SLC13A4: variants seen among roughly 807,000 people sequenced by gnomAD.
SLC13A4 encodes Na(+)/sulfate cotransporter SUT-1.
SLC13A4 carries 28 observed loss-of-function variants against 72.7 expected under a neutral mutation model. That is an observed-to-expected ratio of 0.39 (90% CI 0.29 to 0.53). SLC13A4 has a LOEUF of 0.53. Among genes scored for constraint, SLC13A4 ranks in the 20% least tolerant of loss-of-function variants. The probability of loss-of-function intolerance (pLI) is 0.78; values close to 1 mark genes in which losing one functional copy is unlikely to be tolerated. For synonymous variants in SLC13A4, 312 were observed against 325.5 expected (o/e 0.96, Z 0.45); for missense variants, 653 against 788.0 (o/e 0.83, Z 2.05).
rs1467447916 is a variant in SLC13A4 at position 135,702,899 on chromosome 7, A to T, written c.594-15T>A. 8 of 1,609,752 alleles carry T rather than the reference A, an allele frequency of 5.0e-6. No homozygotes were observed. Among genetic ancestry groups the T allele is most frequent in the Non-Finnish European group, 6.8e-6 (8 of 1,176,048 alleles). The stretch of plus-strand genomic sequence containing the variant: ...CGTTGGACCTGCTGGAACCAAGCAG[A>T]GGACACAGGAGCCACGTCAGTGAGG... On this transcript the variant is annotated splice_polypyrimidine_tract_variant and intron_variant, in intron 5 of 15. Transcript: ENST00000682651.
At chr7:135,726,109 T>C (rs1796651953) in intron 1 of SLC13A4, among the ~76,000 whole-genome samples, 1 of 152,006 alleles carries the variant, frequency 6.6e-6, no homozygotes. Context: ...AGGTTCCTGA[T>C]ACTGCTTGGG....
In SLC13A4 at chr7:135,727,790, A is replaced by G. The variant is rs1217139768; in HGVS notation, c.-294T>C. On this transcript the variant is annotated 5_prime_UTR_variant, in exon 1 of 16. Coordinates refer to ENST00000682651, the MANE Select transcript of SLC13A4 (RefSeq NM_001318192.2). Reference sequence around the variant, plus strand: ...GCATAGTGGGCCTCCTCTCGGCTTGATTAGTAATAGAGTAACTTCATTCTA... The same window carrying G: ...GCATAGTGGGCCTCCTCTCGGCTTGGTTAGTAATAGAGTAACTTCATTCTA... 7.8e-6 allele frequency: 3 copies of G among 383,238 alleles called. No homozygotes were observed. Among genetic ancestry groups the G allele is most frequent in the African/African-American group, 6.1e-5 (3 of 49,174 alleles). 23.7% of individuals were successfully genotyped at this position (383,238 alleles called of 1,614,324 possible).
At chr7:135,705,928 CAG>C in intron 4 of SLC13A4, 198 bp downstream of exon 4, 3 of 561,918 alleles carry the variant, frequency 5.3e-6, no homozygotes, top group Non-Finnish European at 9.3e-6. Context: ...AGAGCCAGAA[CAG>C]GGAGTTCAGG....
At position 135,719,131 on chromosome 7, in the gene SLC13A4, C is replaced by A. The variant is rs188126805; in HGVS notation, c.228+2264G>T. On this transcript the variant is annotated intron_variant, in intron 2 of 15. Transcript: ENST00000682651. ...CCCCTAGCAATAGTGACACACAGTC[C>A]CTCCCTGGACAGTCTTCCTTTATTT... is the stretch of plus-strand genomic sequence containing the variant. Among the ~76,000 whole-genome samples, 280 of 152,256 alleles carry A rather than the reference C, an allele frequency of 1.8e-3. 4 individuals carry two copies. Among genetic ancestry groups the A allele is most frequent in the Non-Finnish European group, 1.9e-3 (128 of 68,028 alleles).
Position 135,705,875 on chromosome 7 carries a change from T to A in SLC13A4, c.539-225A>T, listed in dbSNP as rs1796148307. ...GGGGGCAAAGAGCAGTGTGTACCCT[T>A]GAGCATTTGGGGGAAAAGAGCCCAG... On this transcript the variant is annotated intron_variant, in intron 4 of 15. Transcript: ENST00000682651. 7.0e-6 allele frequency: 4 copies of A among 571,992 alleles called. No individual in the cohort carries two copies. In the Admixed American group the frequency reaches 1.2e-4, roughly 17 times the overall value. The allele number at this position is 571,992 out of a possible 1,614,324, so 35.4% of individuals were successfully genotyped here. A position where few individuals can be genotyped will look rare whatever the true frequency, so the allele number is the denominator to read the frequency against.
At chr7:135,711,726 G>A (rs1376953010) in intron 2 of SLC13A4, among the ~76,000 whole-genome samples, 1 of 152,128 alleles carries the variant, frequency 6.6e-6, no homozygotes, top group Non-Finnish European at 1.5e-5. Flanking sequence ...CAGACAGCAT[G>A]AGCTGGCACA....
intron 15 of SLC13A4, chr7:135,683,711 T>C (rs897772638): frequency 1.1e-4 from 105 of 985,310 alleles, no homozygotes; most frequent in Middle Eastern, 5.2e-4. Flanking sequence ...TCCTGTTTTC[T>C]CAAAATACCT....
Position 135,708,269 on chromosome 7 carries a change from T to TGTCA in SLC13A4, c.229-23_229-20dup. 4 of 1,613,886 alleles carry TGTCA rather than the reference T, an allele frequency of 2.5e-6. No individual in the cohort carries two copies. The highest frequency in any genetic ancestry group is 2.5e-6 in the Non-Finnish European group (3 of 1,179,862). On this transcript the variant is annotated intron_variant, in intron 2 of 15. Coordinates refer to ENST00000682651, the MANE Select transcript of SLC13A4 (RefSeq NM_001318192.2). ...CCGCCACCTGTAGGGAGGCCAGGCA[T>TGTCA]GTCAGTCACCCTCCCGGACCAAAGA...
chr7:135,716,463 C>A (rs1405420612), intron 2 of SLC13A4, among the ~76,000 whole-genome samples: 2 of 152,150 alleles, frequency 1.3e-5, no homozygotes, highest in Non-Finnish European at 2.9e-5. Context: ...CACCACCATA[C>A]CCTGCTAATT....
chr7:135,694,227 G>T lies in SLC13A4; in HGVS notation c.1031C>A (p.Thr344Asn), dbSNP rs776457021. The change falls in exon 10 of 16, where the codon ACC (threonine) becomes AAC (asparagine). Residue 344 changes from threonine to asparagine, a missense_variant. Coordinates refer to ENST00000682651, the MANE Select transcript of SLC13A4 (RefSeq NM_001318192.2). ...WLFLGCNFKE[T>N]CSLSKKKKTK... is the part of the protein sequence containing the mutation. ...CTTCTTCTTCTTGCTCAGAGAGCAG[G>T]TCTCTTTAAAACTGAGAAGGGAGAA... 2.1e-5 allele frequency: 34 copies of T among 1,607,884 alleles called. No homozygotes were observed. The highest frequency in any genetic ancestry group is 3.3e-5 in the Admixed American group (2 of 59,966).
chr7:135,705,779 T>C, intron 4 of SLC13A4, 129 bp from the exon 5 acceptor site: 1 of 783,232 alleles, frequency 1.3e-6, no homozygotes, highest in Non-Finnish European at 2.2e-6. Flanking sequence ...TCCTTCCCTT[T>C]GCTCTGTAAA....
chr7:135,699,088 G>A (rs1193505269), intron 8 of SLC13A4, among the ~76,000 whole-genome samples: 3 of 151,972 alleles, frequency 2.0e-5, no homozygotes, highest in South Asian at 2.1e-4. Context: ...ATACAGGTGC[G>A]TGTCACCATG....
intron 13 of SLC13A4, among the ~76,000 whole-genome samples, chr7:135,689,922 G>A (rs1474579719): frequency 6.6e-6 from 1 of 152,144 alleles, no homozygotes; most frequent in Admixed American, 6.5e-5. Flanking sequence ...GCTCATGCCT[G>A]TAATCCCAGT....
At chr7:135,691,016 C>A (rs774176402) in intron 13 of SLC13A4, among the ~76,000 whole-genome samples, 185 bp downstream of exon 13, 110 of 152,140 alleles carry the variant, frequency 7.2e-4, no homozygotes, top group Middle Eastern at 3.4e-3. Context: ...AATACAAAAA[C>A]TAGCTGGCAT....
chr7:135,697,135 G>T (rs140097163), intron 8 of SLC13A4, among the ~76,000 whole-genome samples: 2 of 152,382 alleles, frequency 1.3e-5, no homozygotes, highest in African/African-American at 2.4e-5. Flanking sequence ...GGACAGCAGA[G>T]CATTAAACCA....
In SLC13A4 at chr7:135,705,578, G is replaced by A. The variant is rs747560413; in HGVS notation, c.593+18C>T. The A allele has an allele frequency of 6.2e-7, 1 of 1,613,212 alleles. No homozygotes were observed. Among genetic ancestry groups the A allele is most frequent in the Non-Finnish European group, 8.5e-7 (1 of 1,179,204 alleles). ...GGACTCTGAGAGGCGCTGTCTGGGA[G>A]AGGGCAGTCATACTCACTCTTCATT... On this transcript the variant is annotated intron_variant, in intron 5 of 15. Coordinates refer to ENST00000682651, the MANE Select transcript of SLC13A4 (RefSeq NM_001318192.2).
intron 1 of SLC13A4, among the ~76,000 whole-genome samples, chr7:135,725,710 C>T (rs1796639975): frequency 6.6e-6 from 1 of 152,154 alleles, no homozygotes; most frequent in African/African-American, 2.4e-5. Flanking sequence ...GTGGCTCACA[C>T]CTGTAATCTC....
rs530320320 is a variant in SLC13A4 at position 135,688,121 on chromosome 7, G to A, written c.1447-2438C>T. Among the ~76,000 whole-genome samples the A allele has an allele frequency of 9.0e-4, 137 of 151,892 alleles. 2 individuals are homozygous for A. The highest frequency in any genetic ancestry group is 3.4e-3 in the Middle Eastern group (1 of 294). Reference sequence around the variant, plus strand: ...CTCCCAAGTAGCTGGGATTACAGGCGCGTGCCACCACACCCGGCTAATTTT... The same window carrying A: ...CTCCCAAGTAGCTGGGATTACAGGCACGTGCCACCACACCCGGCTAATTTT... On this transcript the variant is annotated intron_variant, in intron 13 of 15. Transcript: ENST00000682651.
intron 2 of SLC13A4, among the ~76,000 whole-genome samples, chr7:135,710,362 C>G (rs1333133412): frequency 2.6e-5 from 4 of 152,186 alleles, no homozygotes; most frequent in African/African-American, 7.2e-5. Flanking sequence ...CGCCACTGCA[C>G]TCCAGCCTGG....
Sources: gnomAD v4.1 joint callset for allele counts (sites outside exome capture counted in the v4.1 genomes callset) on GRCh38, gnomAD v4.1.1 for gene constraint, MANE v1.5 for transcripts, NCBI Gene and HGNC (gene_info 2026-07-23, HGNC 2026-07-21) for gene names.